The following HIPK3 variants were observed in gnomAD, a reference collection of about 807,000 sequenced individuals.
HIPK3 encodes the protein homeodomain-interacting protein kinase 3.
HIPK3 carries 47 observed loss-of-function variants against 124.2 expected under a neutral mutation model. That is an observed-to-expected ratio of 0.38 (90% CI 0.30 to 0.48). The LOEUF (loss-of-function observed/expected upper bound fraction) is 0.48, where lower values mean the gene tolerates loss of function less well. Among genes scored for constraint, HIPK3 ranks in the 20% least tolerant of loss-of-function variants. The pLI is 0.98. For missense variants in HIPK3, 1,286 were observed against 1,454.3 expected, an observed-to-expected ratio of 0.88 and a Z score of 1.88; for synonymous variants, 482 against 515.2, an observed-to-expected ratio of 0.94 and a Z score of 0.87.
chr11:33,266,058 CAA>C (rs541701602), intron 1 of HIPK3, among the ~76,000 whole-genome samples: 14 of 49,624 alleles, frequency 2.8e-4, no homozygotes, highest in African/African-American at 4.8e-4. Context: ...GACTCCATCT[CAA>C]AAAAAAAAAA....
intron 8 of HIPK3, among the ~76,000 whole-genome samples, chr11:33,346,265 A>G (rs1444166173): frequency 6.6e-6 from 1 of 152,200 alleles, no homozygotes; most frequent in Admixed American, 6.5e-5. Flanking sequence ...CATGTCTGGT[A>G]ATCCTGCTTT....
chr11:33,313,171 A>T (rs1341492894), intron 2 of HIPK3, among the ~76,000 whole-genome samples: 1 of 152,208 alleles, frequency 6.6e-6, no homozygotes, highest in African/African-American at 2.4e-5. Context: ...TATTAAACAA[A>T]CACCAATTGA....
At position 33,303,339 on chromosome 11, in the gene HIPK3, G is replaced by A. The variant is rs188133859; in HGVS notation, c.1097+15828G>A. 6.5e-4 allele frequency among the ~76,000 whole-genome samples: 99 copies of A among 152,244 alleles called. 1 individual carries two copies. The highest frequency in any genetic ancestry group is 3.4e-3 in the Middle Eastern group (1 of 294). On this transcript the variant is annotated intron_variant, in intron 2 of 16. Coordinates refer to ENST00000303296, the MANE Select transcript of HIPK3 (RefSeq NM_005734.5). ...ATTTACAAGGAAAAAAAGTCTGTAC[G>A]TGTTCTGTACAGATATGATCGTCTG... is the stretch of plus-strand genomic sequence containing the variant.
intron 2 of HIPK3, 67 bp from the exon 3 acceptor site, chr11:33,328,443 T>TG: frequency 6.7e-7 from 1 of 1,481,684 alleles, no homozygotes; most frequent in Non-Finnish European, 9.3e-7. Flanking sequence ...CTTCCTAGAA[T>TG]GCCAGTTGAA....
Position 33,267,608 on chromosome 11 carries a change from G to T in HIPK3, c.-3+9719G>T, listed in dbSNP as rs78740605. ...CCTCCCAGGTTCACGCCCTTCTCCCGCCTTGGCCTCCTGAGTAGCTGGGAC... is the reference window on the plus strand; with the variant it reads ...CCTCCCAGGTTCACGCCCTTCTCCCTCCTTGGCCTCCTGAGTAGCTGGGAC... On this transcript the variant is annotated intron_variant, in intron 1 of 16. Transcript: ENST00000303296. Among the ~76,000 whole-genome samples, 109 of 151,306 alleles carry T rather than the reference G, an allele frequency of 7.2e-4. 1 individual carries two copies. In the South Asian group the frequency reaches 0.022, roughly 30 times the overall value.
intron 1 of HIPK3, among the ~76,000 whole-genome samples, chr11:33,261,241 G>A (rs1251983957): frequency 1.3e-5 from 2 of 149,488 alleles, no homozygotes; most frequent in South Asian, 2.1e-4. Flanking sequence ...AGGTTCAGGG[G>A]AGCATGTGCA....
intron 3 of HIPK3, among the ~76,000 whole-genome samples, chr11:33,336,019 G>T (rs921081166): frequency 6.6e-6 from 1 of 152,114 alleles, no homozygotes; most frequent in Non-Finnish European, 1.5e-5. Flanking sequence ...GGAACTTAGA[G>T]TCTCATGGAG....
chr11:33,331,252 C>T (rs748289738), intron 3 of HIPK3, among the ~76,000 whole-genome samples: 10 of 152,252 alleles, frequency 6.6e-5, no homozygotes, highest in Admixed American at 2.0e-4. Flanking sequence ...TTCCCCATCT[C>T]GCTAGATTGT....
rs1183711572 is a variant in HIPK3 at position 33,337,159 on chromosome 11, G to A, written c.1306G>A (p.Glu436Lys). 6.4e-7 allele frequency: 1 copy of A among 1,567,510 alleles called. No homozygotes were observed. Among genetic ancestry groups the A allele is most frequent in the Non-Finnish European group, 8.8e-7 (1 of 1,139,268 alleles). ...GTKSTRFFCK[E>K]TDMSHSGWRL... is the part of the protein sequence containing the mutation. ...TAAATCCACAAGATTTTTTTGCAAA[G>A]AAACAGATATGTCTCATTCTGGTTG... The change falls in exon 4 of 17, where the codon GAA becomes AAA. Residue 436 changes from glutamate to lysine, a missense_variant. Coordinates refer to ENST00000303296, the MANE Select transcript of HIPK3 (RefSeq NM_005734.5).
In HIPK3 at chr11:33,286,851, A is replaced by C. The variant is rs1463186033; in HGVS notation, c.437A>C (p.Glu146Ala). ...NHSSAMQIVD[E>A]LSILPAMLQT... ...AGCAGCGCAATGCAGATTGTCGATG[A>C]ATTGTCCATACTTCCTGCAATGTTG... Residue 146 changes from glutamate to alanine, a missense_variant, in exon 2 of 17, where the codon GAA (glutamate) becomes GCA (alanine). Around this residue, in one of 3 missense-constraint regions of HIPK3, gnomAD observed 225 missense variants for 240.3 expected, o/e 0.94. Coordinates refer to ENST00000303296, the MANE Select transcript of HIPK3 (RefSeq NM_005734.5). The C allele has an allele frequency of 6.2e-7, 1 of 1,614,204 alleles. No homozygotes were observed. The highest frequency in any genetic ancestry group is 8.5e-7 in the Non-Finnish European group (1 of 1,180,028).
chr11:33,267,230 C>G (rs1038735298), intron 1 of HIPK3, among the ~76,000 whole-genome samples: 3 of 150,722 alleles, frequency 2.0e-5, no homozygotes, highest in African/African-American at 7.3e-5. Flanking sequence ...TCAAGCGATT[C>G]TCCTGCCTCA....
At chr11:33,334,061 C>T (rs1253510276) in intron 3 of HIPK3, among the ~76,000 whole-genome samples, 1 of 151,884 alleles carries the variant, frequency 6.6e-6, no homozygotes, top group Non-Finnish European at 1.5e-5. Context: ...AGCACTTTAA[C>T]GAAATGAAGC....
chr11:33,306,039 C>T (rs1201730616), intron 2 of HIPK3, among the ~76,000 whole-genome samples: 1 of 151,972 alleles, frequency 6.6e-6, no homozygotes, highest in Non-Finnish European at 1.5e-5. Flanking sequence ...CGGCTGGAAG[C>T]ACATAACTTT....
At chr11:33,320,424 G>A (rs1380792313) in intron 2 of HIPK3, among the ~76,000 whole-genome samples, 1 of 152,064 alleles carries the variant, frequency 6.6e-6, no homozygotes, top group Non-Finnish European at 1.5e-5. Flanking sequence ...CTTTTACTGT[G>A]ATAGGAAGCC....
intron 1 of HIPK3, among the ~76,000 whole-genome samples, chr11:33,278,364 T>C (rs1851324698): frequency 6.6e-6 from 1 of 152,074 alleles, no homozygotes; most frequent in African/African-American, 2.4e-5. Flanking sequence ...AGGACAATAT[T>C]TTGAGGACAG....
chr11:33,314,654 T>TCACACA (rs369474312), intron 2 of HIPK3, among the ~76,000 whole-genome samples: 1 of 151,520 alleles, frequency 6.6e-6, no homozygotes, highest in African/African-American at 2.4e-5. Context: ...AGACTCCATC[T>TCACACA]CACACACACA....
chr11:33,341,742 GT>G, intron 8 of HIPK3, 56 bp downstream of exon 8: 1 of 1,462,620 alleles, frequency 6.8e-7, no homozygotes, highest in Non-Finnish European at 9.3e-7. Context: ...TTTAAAATAA[GT>G]TTAGGAATCT....
At chr11:33,271,808 T>C (rs1222225568) in intron 1 of HIPK3, among the ~76,000 whole-genome samples, 2 of 152,218 alleles carry the variant, frequency 1.3e-5, no homozygotes, top group East Asian at 3.8e-4. Flanking sequence ...TAAAAAAATC[T>C]CTTCAGCCAG....
chr11:33,350,511 T>TAA (rs530470962), intron 14 of HIPK3, among the ~76,000 whole-genome samples: 2 of 132,272 alleles, frequency 1.5e-5, no homozygotes, highest in Admixed American at 7.6e-5. Flanking sequence ...TACCAAAAAT[T>TAA]AAAAAAAAAA....
Sources: gnomAD v4.1 joint callset for allele counts (sites outside exome capture counted in the v4.1 genomes callset) on GRCh38, gnomAD v4.1.1 for gene constraint, gnomAD v4.1.1 regional missense constraint, MANE v1.5 for transcripts, NCBI Gene and HGNC (gene_info 2026-07-23, HGNC 2026-07-21) for gene names.